Variants in ONECUT2 observed in about 807,000 individuals in gnomAD.
ONECUT2 encodes one cut domain family member 2.
ONECUT2 carries 10 observed loss-of-function variants against 27.9 expected under a neutral mutation model. The ratio of observed to expected loss-of-function variants is 0.36; its 90% confidence interval spans 0.22 to 0.61. The LOEUF is 0.61. Among genes scored for constraint, ONECUT2 ranks in the 20% least tolerant of loss-of-function variants. ONECUT2 has a pLI of 0.73. For missense variants in ONECUT2, 686 were observed against 721.0 expected (o/e 0.95, Z 0.56); for synonymous variants, 334 against 315.1 (o/e 1.06, Z -0.64).
At chr18:57,457,950 C>T (rs2050269246) in intron 1 of ONECUT2, among the ~76,000 whole-genome samples, 1 of 151,618 alleles carries the variant, frequency 6.6e-6, no homozygotes, top group Non-Finnish European at 1.5e-5. Flanking sequence ...GGGCGGGGAA[C>T]ATCACACACT....
At chr18:57,467,124 A>C in intron 1 of ONECUT2, 1 of 455,914 alleles carries the variant, frequency 2.2e-6, no homozygotes, top group Non-Finnish European at 4.4e-6. Context: ...ATTGAAAGTA[A>C]AAATAGAGAC....
intron 1 of ONECUT2, among the ~76,000 whole-genome samples, chr18:57,453,790 T>C (rs747426302): frequency 1.3e-5 from 2 of 152,242 alleles, no homozygotes; most frequent in African/African-American, 4.8e-5. Context: ...AATTCCAACT[T>C]GGGTTTGAAA....
At position 57,478,999 on chromosome 18, in the gene ONECUT2, G is replaced by A. The variant is rs545322680; in HGVS notation, c.*2276G>A. ...TCCAAGTTTAAGATGTTGGGATATTGAACAGTTCTCTCTGCTCAGCAGAGG... is the reference window on the plus strand; with the variant it reads ...TCCAAGTTTAAGATGTTGGGATATTAAACAGTTCTCTCTGCTCAGCAGAGG... On this transcript the variant is annotated 3_prime_UTR_variant, in exon 2 of 2. Coordinates refer to ENST00000491143, the MANE Select transcript of ONECUT2 (RefSeq NM_004852.3). 1.3e-5 allele frequency: 2 copies of A among 152,702 alleles called. No individual in the cohort carries two copies. The highest frequency in any genetic ancestry group is 2.1e-4 in the South Asian group (1 of 4,822). 9.5% of individuals were successfully genotyped at this position (152,702 alleles called of 1,614,324 possible).
In ONECUT2 at chr18:57,484,778, G is replaced by C. The variant is rs1266039837; in HGVS notation, c.*8055G>C. ...TATCCAAATCAAATAACTCTTGAGA[G>C]TGAAAGCCCACACATGCCTCCTGGT... On this transcript the variant is annotated 3_prime_UTR_variant, in exon 2 of 2. Transcript: ENST00000491143. 6.6e-6 allele frequency: 1 copy of C among 152,320 alleles called. No individual in the cohort carries two copies. Among genetic ancestry groups the C allele is most frequent in the Non-Finnish European group, 1.5e-5 (1 of 68,142 alleles). The allele number at this position is 152,320 out of a possible 1,614,324, so 9.4% of individuals were successfully genotyped here.
intron 1 of ONECUT2, among the ~76,000 whole-genome samples, chr18:57,471,222 A>G (rs2050351628): frequency 6.6e-6 from 1 of 152,128 alleles, no homozygotes; most frequent in South Asian, 2.1e-4. Flanking sequence ...TGTGCTGCCC[A>G]TGGGTAGGCG....
intron 1 of ONECUT2, among the ~76,000 whole-genome samples, chr18:57,466,299 C>T (rs144893019): frequency 2.0e-5 from 3 of 152,308 alleles, no homozygotes; most frequent in Admixed American, 6.5e-5. Flanking sequence ...AACCCAGTTC[C>T]ATTGGCCTTG....
chr18:57,474,053 A>G (rs1183494402), intron 1 of ONECUT2, among the ~76,000 whole-genome samples: 1 of 152,186 alleles, frequency 6.6e-6, no homozygotes, highest in East Asian at 1.9e-4. Flanking sequence ...ATGAAAACAA[A>G]TTGTTTTTAT....
chr18:57,477,885 T>C lies in ONECUT2; in HGVS notation c.*1162T>C, dbSNP rs559642304. ...TTTTCTAGCAAGAAAAAAAAATCAA[T>C]CAATCAAACCTGCATACATGTTACT... On this transcript the variant is annotated 3_prime_UTR_variant, in exon 2 of 2. Transcript: ENST00000491143. 6.6e-6 allele frequency: 1 copy of C among 152,606 alleles called. No homozygotes were observed. The highest frequency in any genetic ancestry group is 1.9e-4 in the East Asian group (1 of 5,180). 9.5% of individuals were successfully genotyped at this position (152,606 alleles called of 1,614,324 possible). A position where few individuals can be genotyped will look rare whatever the true frequency, so the allele number is the denominator to read the frequency against.
intron 1 of ONECUT2, among the ~76,000 whole-genome samples, chr18:57,450,862 T>C (rs1207129388): frequency 6.6e-6 from 1 of 152,202 alleles, no homozygotes; most frequent in Non-Finnish European, 1.5e-5. Context: ...TTTTATTTTA[T>C]TTTAATTTTA....
intron 1 of ONECUT2, among the ~76,000 whole-genome samples, chr18:57,470,774 C>G (rs2050348971): frequency 6.6e-6 from 1 of 151,626 alleles, no homozygotes; most frequent in South Asian, 2.1e-4. Flanking sequence ...CCCTCCACAC[C>G]ACACACACAC....
chr18:57,470,709 TC>T (rs1363166076), intron 1 of ONECUT2, among the ~76,000 whole-genome samples: 8 of 151,818 alleles, frequency 5.3e-5, no homozygotes, highest in African/African-American at 1.9e-4. Flanking sequence ...CCAGGGTAAT[TC>T]CCCAACCTGT....
rs1166037455 is a variant in ONECUT2 at position 57,479,740 on chromosome 18, TA to T, written c.*3019del. The T allele has an allele frequency of 6.6e-6, 1 of 152,572 alleles. No individual in the cohort carries two copies. Among genetic ancestry groups the T allele is most frequent in the Non-Finnish European group, 1.5e-5 (1 of 68,022 alleles). The allele number at this position is 152,572 out of a possible 1,614,324, so 9.5% of individuals were successfully genotyped here. A position where few individuals can be genotyped will look rare whatever the true frequency, so the allele number is the denominator to read the frequency against. ...CTGACAGTGGGGTGCTCATCTTCTG[TA>T]ACTGTTGGGAAGGCTCGGTGGTCCA... On this transcript the variant is annotated 3_prime_UTR_variant, in exon 2 of 2. Transcript: ENST00000491143.
In ONECUT2 at chr18:57,436,219, A is replaced by C; in HGVS notation, c.503A>C (p.His168Pro). 1.2e-6 allele frequency: 2 copies of C among 1,603,812 alleles called. No individual in the cohort carries two copies. Among genetic ancestry groups the C allele is most frequent in the Non-Finnish European group, 1.7e-6 (2 of 1,177,488 alleles). ...ATCTCCACCGTGTCTGACAAGTTCC[A>C]CCACCCTCACCCGCACCACCATCCG... ...PPISTVSDKF[H>P]HPHPHHHPHH... Residue 168 changes from histidine (H) to proline (P), a missense_variant, in exon 1 of 2, where the codon CAC (histidine) becomes CCC (proline). This residue lies in a region of ONECUT2 where 511 missense variants were observed against 488.1 expected (regional missense o/e 1.05). Transcript: ENST00000491143. This position sits in a 1 kb window ranked among gnomAD's most constrained non-coding sequence, Gnocchi z 5.9.
intron 1 of ONECUT2, among the ~76,000 whole-genome samples, chr18:57,452,623 C>T (rs867862434): frequency 2.0e-5 from 3 of 152,156 alleles, no homozygotes; most frequent in African/African-American, 7.2e-5. Flanking sequence ...TGGGGTTTTG[C>T]CATGTTGGCC....
rs781634657 is a variant in ONECUT2 at position 57,436,967 on chromosome 18, G to A, written c.1228+23G>A. 34 of 1,554,232 alleles carry A rather than the reference G, an allele frequency of 2.2e-5. No homozygotes were observed. The highest frequency in any genetic ancestry group is 3.5e-6 in the Non-Finnish European group (4 of 1,149,938). On this transcript the variant is annotated intron_variant, in intron 1 of 1. Transcript: ENST00000491143. This position sits in a 1 kb window ranked among gnomAD's most constrained non-coding sequence, Gnocchi z 5.9. ...CAGGTAAGGCCGGGGCTAGCCAGGG[G>A]CCAGGCTGCTGGGAAGAGGGCTCCG...
At chr18:57,455,525 T>G (rs1026107996) in intron 1 of ONECUT2, among the ~76,000 whole-genome samples, 1 of 152,214 alleles carries the variant, frequency 6.6e-6, no homozygotes, top group African/African-American at 2.4e-5. Context: ...TCCAGTTAAT[T>G]CACTTGGTGA....
chr18:57,472,925 C>T (rs2050361947), intron 1 of ONECUT2, among the ~76,000 whole-genome samples: 1 of 152,122 alleles, frequency 6.6e-6, no homozygotes. Flanking sequence ...AAGATATTTG[C>T]CTGGATTTTG....
At chr18:57,437,029 C>G in intron 1 of ONECUT2, 85 bp downstream of exon 1, 4 of 1,478,100 alleles carry the variant, frequency 2.7e-6, no homozygotes, top group Non-Finnish European at 3.6e-6. Context: ...CGCGCCGAGT[C>G]ACTTCTCTTG....
rs608823 is a variant in ONECUT2, at chr18:57,488,638, G to A, written c.*11915G>A. 58,799 of 152,566 alleles carry A rather than the reference G, an allele frequency of 0.39. 11,858 individuals are homozygous for A. Among genetic ancestry groups the A allele is most frequent in the East Asian group, 0.48 (2,503 of 5,180 alleles). The allele number at this position is 152,566 out of a possible 1,614,324, so 9.5% of individuals were successfully genotyped here. A position where few individuals can be genotyped will look rare whatever the true frequency, so the allele number is the denominator to read the frequency against. ...AAGCTGAGTTTTCCAGACAACTGAA[G>A]TAGCTACATCATGAATGTTATTTTG... On this transcript the variant is annotated 3_prime_UTR_variant, in exon 2 of 2. Transcript: ENST00000491143.
Sources: allele counts gnomAD v4.1 joint callset (sites outside exome capture counted in the v4.1 genomes callset), GRCh38; gene constraint gnomAD v4.1.1; regional missense constraint gnomAD v4.1.1; non-coding constraint Gnocchi (gnomAD v3.1); transcripts MANE v1.5; gene names NCBI Gene and HGNC (gene_info 2026-07-23, HGNC 2026-07-21).